The following SAMD5 variants were observed in gnomAD, a reference collection of about 807,000 sequenced individuals.
SAMD5 encodes sterile alpha motif domain containing 5.
In SAMD5, 13 loss-of-function variants were observed where a neutral mutation model predicts 11.3. That is an observed-to-expected ratio of 1.15 (90% confidence interval 0.75 to 1.83). SAMD5 has a LOEUF of 1.83. Ranked by LOEUF, SAMD5 falls within the 40% of genes most tolerant of loss-of-function variation. The probability of loss-of-function intolerance (pLI) is 0.00; values close to 1 mark genes in which losing one functional copy is unlikely to be tolerated. For missense variants in SAMD5, 255 were observed against 239.1 expected (o/e 1.07, Z -0.44); for synonymous variants, 129 against 111.3 (o/e 1.16, Z -1.00).
the SAMD5 span, among the ~76,000 whole-genome samples, chr6:147,863,617 T>C: frequency 6.6e-6 from 1 of 151,882 alleles, no homozygotes; most frequent in African/African-American, 2.4e-5. Flanking sequence ...GTCTCTTTTA[T>C]GGCATTTTTT....
intron 1 of SAMD5, among the ~76,000 whole-genome samples, chr6:147,548,986 A>G (rs1053422575): frequency 6.6e-6 from 1 of 152,148 alleles, no homozygotes. Context: ...AGCTTTACAA[A>G]ACTGTGCATG....
intron 1 of SAMD5, among the ~76,000 whole-genome samples, chr6:147,687,526 C>T (rs1562351924): frequency 2.6e-5 from 4 of 152,036 alleles, no homozygotes; most frequent in African/African-American, 7.2e-5. Flanking sequence ...CCCACATTGG[C>T]CTCCCAAAGT....
At chr6:147,588,283 CG>C (rs1169588617) in intron 1 of SAMD5, among the ~76,000 whole-genome samples, 3 of 147,584 alleles carry the variant, frequency 2.0e-5, no homozygotes, top group Admixed American at 6.8e-5. Context: ...TGAATAATAT[CG>C]GCCATTTTTT....
chr6:147,690,735 C>A (rs544546524), intron 1 of SAMD5, among the ~76,000 whole-genome samples: 17 of 152,222 alleles, frequency 1.1e-4, no homozygotes, highest in Non-Finnish European at 2.4e-4. Context: ...CAGTTTTTTT[C>A]ATTCTTCTTG....
chr6:147,928,637 A>G, the SAMD5 span, among the ~76,000 whole-genome samples: 4 of 151,980 alleles, frequency 2.6e-5, no homozygotes, highest in Non-Finnish European at 4.4e-5. Context: ...GATATGTTGA[A>G]TGGTTTTTCG....
the SAMD5 span, among the ~76,000 whole-genome samples, chr6:147,938,108 A>G: frequency 1.3e-5 from 2 of 152,192 alleles, no homozygotes; most frequent in African/African-American, 2.4e-5. Context: ...TCTAGGAGAT[A>G]CTGGCTTAAA....
the SAMD5 span, among the ~76,000 whole-genome samples, chr6:147,779,564 C>T: frequency 9.9e-5 from 15 of 150,858 alleles, no homozygotes; most frequent in Non-Finnish European, 2.1e-4. Context: ...GGCACAATCT[C>T]GGCTCACTGC....
At chr6:147,933,913 G>A in the SAMD5 span, among the ~76,000 whole-genome samples, 2 of 152,184 alleles carry the variant, frequency 1.3e-5, no homozygotes, top group African/African-American at 4.8e-5. Context: ...ACCTTTCATA[G>A]TGAGATCATT....
At chr6:147,870,266 G>A in the SAMD5 span, among the ~76,000 whole-genome samples, 1 of 151,928 alleles carries the variant, frequency 6.6e-6, no homozygotes, top group African/African-American at 2.4e-5. Context: ...AACTAAATAG[G>A]TGCTCATTAT....
rs1341568604 is a variant in SAMD5, at chr6:147,508,787, C to A, written c.-142C>A. ...CTTCTGATGGTTTTCCGTCTCCTGCCCGAGCCTTTCCTTTAAAAGGAAAAC... is the reference window on the plus strand; with the variant it reads ...CTTCTGATGGTTTTCCGTCTCCTGCACGAGCCTTTCCTTTAAAAGGAAAAC... On this transcript the variant is annotated 5_prime_UTR_variant, in exon 1 of 2. Coordinates refer to ENST00000367474, the MANE Select transcript of SAMD5 (RefSeq NM_001030060.3). 3.1e-6 allele frequency: 4 copies of A among 1,305,520 alleles called. No individual in the cohort carries two copies. The highest frequency in any genetic ancestry group is 3.4e-5 in the Admixed American group (1 of 29,484). The allele number at this position is 1,305,520 out of a possible 1,614,324, so 80.9% of individuals were successfully genotyped here.
chr6:147,702,903 A>C (rs1791274513), intron 1 of SAMD5, among the ~76,000 whole-genome samples: 1 of 152,112 alleles, frequency 6.6e-6, no homozygotes, highest in South Asian at 2.1e-4. Context: ...ATTGTATTTG[A>C]TAACTAGGCC....
chr6:147,773,917 A>T, the SAMD5 span, among the ~76,000 whole-genome samples: 1 of 152,110 alleles, frequency 6.6e-6, no homozygotes, highest in South Asian at 2.1e-4. Context: ...ATCACAGCTC[A>T]TTGCAGCCTC....
chr6:147,571,571 T>A (rs1256545842), downstream of SAMD5, among the ~76,000 whole-genome samples: 8 of 152,068 alleles, frequency 5.3e-5, no homozygotes, highest in Non-Finnish European at 1.0e-4. Flanking sequence ...TCGTCTATTT[T>A]AAAGTACATT....
intron 1 of SAMD5, among the ~76,000 whole-genome samples, chr6:147,714,545 C>T (rs1407066674): frequency 1.3e-5 from 2 of 152,070 alleles, no homozygotes; most frequent in African/African-American, 4.8e-5. Flanking sequence ...TTTTCTGTTT[C>T]TAAACATATA....
At chr6:147,833,703 A>AT in the SAMD5 span, among the ~76,000 whole-genome samples, 1 of 152,158 alleles carries the variant, frequency 6.6e-6, no homozygotes, top group Non-Finnish European at 1.5e-5. Context: ...TTTTAACATA[A>AT]TTTTTTCAAT....
chr6:147,923,642 A>G, the SAMD5 span, among the ~76,000 whole-genome samples: 15 of 152,356 alleles, frequency 9.8e-5, no homozygotes, highest in East Asian at 2.9e-3. Context: ...CCCTGGATGT[A>G]GAGCTAATTA....
At chr6:147,603,256 C>A (rs373231946) in intron 1 of SAMD5, among the ~76,000 whole-genome samples, 1 of 152,132 alleles carries the variant, frequency 6.6e-6, no homozygotes, top group African/African-American at 2.4e-5. Context: ...ATTGGCAACA[C>A]AATTTCAGGC....
chr6:147,601,483 T>A (rs914308626), intron 1 of SAMD5, among the ~76,000 whole-genome samples: 1 of 150,150 alleles, frequency 6.7e-6, no homozygotes, highest in African/African-American at 2.5e-5. Context: ...ACTTGTGATT[T>A]AAAAAAAAAA....
intron 1 of SAMD5, among the ~76,000 whole-genome samples, chr6:147,551,352 C>T (rs1487382005): frequency 6.6e-6 from 1 of 152,152 alleles, no homozygotes; most frequent in East Asian, 1.9e-4. Flanking sequence ...GGAAAATGCT[C>T]TACTTTGTGG....
Sources: gnomAD v4.1 joint callset for allele counts (sites outside exome capture counted in the v4.1 genomes callset) on GRCh38, gnomAD v4.1.1 for gene constraint, MANE v1.5 for transcripts, NCBI Gene and HGNC (gene_info 2026-07-23, HGNC 2026-07-21) for gene names.